The following GLB1 variants were observed in gnomAD, a reference collection of about 807,000 sequenced individuals.
GLB1 encodes beta-galactosidase.
GLB1 carries 56 observed loss-of-function variants against 74.0 expected under a neutral mutation model. The ratio of observed to expected loss-of-function variants is 0.76; its 90% CI spans 0.61 to 0.94. The LOEUF is 0.94. Among genes scored for constraint, GLB1 ranks in the 40% least tolerant of loss-of-function variants. GLB1 has a pLI of 0.00. For missense variants in GLB1, 787 were observed against 845.5 expected, an observed-to-expected ratio of 0.93 and a Z score of 0.86; for synonymous variants, 323 against 323.6, an observed-to-expected ratio of 1.00 and a Z score of 0.02.
rs1189451243 is a variant in GLB1 at position 33,092,380 on chromosome 3, C to A, written c.75+4631G>T. ...AATTACCTGGCAACACTACCCCTTC[C>A]CCAGAAAGGCTCTGGATCAATGATT... On this transcript the variant is annotated intron_variant, in intron 1 of 15. Transcript: ENST00000307363. 8.1e-6 allele frequency: 8 copies of A among 989,392 alleles called. No homozygotes were observed. The Middle Eastern group carries it at 1.6e-3, about 194-fold the overall frequency. 61.3% of individuals were successfully genotyped at this position (989,392 alleles called of 1,614,324 possible).
intron 10 of GLB1, among the ~76,000 whole-genome samples, chr3:33,042,370 C>CTTTTTTTTTTTTTTT (rs66685286): frequency 1.0e-5 from 1 of 99,240 alleles, no homozygotes; most frequent in African/African-American, 3.7e-5. Flanking sequence ...TCATCTCCTC[C>CTTTTTTTTTTTTTTT]TTTTTTTTTT....
chr3:33,067,448 C>T (rs1206706351), intron 4 of GLB1, among the ~76,000 whole-genome samples: 2 of 32,742 alleles, frequency 6.1e-5, no homozygotes, highest in Non-Finnish European at 1.4e-4. Flanking sequence ...TGCCAGCACA[C>T]CTGGCTAATT....
At chr3:32,972,487 G>A in the GLB1 span, among the ~76,000 whole-genome samples, 4 of 152,264 alleles carry the variant, frequency 2.6e-5, no homozygotes, top group South Asian at 4.1e-4. Context: ...CTCAGCCTTT[G>A]GAGGATTCAA....
In GLB1 at chr3:33,020,060, C is replaced by T. The variant is rs142213520; in HGVS notation, c.1234-1499G>A. Among the ~76,000 whole-genome samples the T allele has an allele frequency of 2.1e-3, 325 of 152,268 alleles. 4 individuals carry two copies. The highest frequency in any genetic ancestry group is 2.2e-3 in the Non-Finnish European group (147 of 68,020). On this transcript the variant is annotated intron_variant, in intron 12 of 15. Coordinates refer to ENST00000307363, the MANE Select transcript of GLB1 (RefSeq NM_000404.4). ...CCTGGAACTCCCTCCCCAGGCTACA[C>T]GTGCTCTGGGATCATTGTCTGAAGT...
chr3:33,038,767 C>T (rs913570161), intron 10 of GLB1, among the ~76,000 whole-genome samples: 5 of 152,140 alleles, frequency 3.3e-5, no homozygotes, highest in Admixed American at 6.5e-5. Flanking sequence ...GAACCAGAAG[C>T]GGACCAACCC....
Position 33,096,650 on chromosome 3 carries a change from G to C in GLB1, c.75+361C>G. The stretch of plus-strand genomic sequence containing the variant: ...GAGGGCGCCCCAAACCAGAGCCGGA[G>C]GCACCCTCTAACCCGCGCAACTTGG... On this transcript the variant is annotated intron_variant, in intron 1 of 15. Coordinates refer to ENST00000307363, the MANE Select transcript of GLB1 (RefSeq NM_000404.4). 4 of 1,099,664 alleles carry C rather than the reference G, an allele frequency of 3.6e-6. No homozygotes were observed. In the South Asian group the frequency reaches 8.9e-5, roughly 24 times the overall value. The allele number at this position is 1,099,664 out of a possible 1,614,324, so 68.1% of individuals were successfully genotyped here. A position where few individuals can be genotyped will look rare whatever the true frequency, so the allele number is the denominator to read the frequency against.
intron 10 of GLB1, among the ~76,000 whole-genome samples, chr3:33,025,414 G>A (rs574516906): frequency 6.6e-6 from 1 of 152,314 alleles, no homozygotes; most frequent in South Asian, 2.1e-4. Flanking sequence ...GAAGATCTGG[G>A]AGAAAGTCCC....
chr3:33,000,227 C>A (rs1260447748), intron 15 of GLB1, among the ~76,000 whole-genome samples: 1 of 152,194 alleles, frequency 6.6e-6, no homozygotes, highest in Non-Finnish European at 1.5e-5. Context: ...AGGCATGAGC[C>A]ACCTCGCCTG....
At chr3:32,993,025 G>C (rs759750159), downstream of GLB1, among the ~76,000 whole-genome samples, 2 of 152,240 alleles carry the variant, frequency 1.3e-5, no homozygotes, top group African/African-American at 2.4e-5. Flanking sequence ...CACACCAGCT[G>C]TGTGTGCTAC....
chr3:32,998,800 C>G (rs1257441211), intron 15 of GLB1, among the ~76,000 whole-genome samples: 2 of 152,186 alleles, frequency 1.3e-5, no homozygotes, highest in African/African-American at 4.8e-5. Context: ...CTGCTGAGCC[C>G]TAATCCTCAT....
chr3:32,979,327 A>G, the GLB1 span, among the ~76,000 whole-genome samples: 13 of 152,174 alleles, frequency 8.5e-5, no homozygotes, highest in Non-Finnish European at 1.5e-5. Context: ...TTAGGCTAAA[A>G]CACTTACAGA....
At chr3:33,011,725 T>A (rs1306667636) in intron 15 of GLB1, among the ~76,000 whole-genome samples, 2 of 149,858 alleles carry the variant, frequency 1.3e-5, no homozygotes, top group Non-Finnish European at 3.0e-5. Flanking sequence ...CATAAATAAA[T>A]AAAAGGGCAT....
rs74634321 is a variant in GLB1, at chr3:33,063,279, A to G, written c.552+2184T>C. ...AAAAAGGCATAAAAAATATTCAAGG[A>G]AACTCCCAAAATGTGAAGAGCTTTG... On this transcript the variant is annotated intron_variant, in intron 5 of 15. Transcript: ENST00000307363. Among the ~76,000 whole-genome samples the G allele has an allele frequency of 6.2e-3, 946 of 152,342 alleles. 13 individuals carry two copies. Among genetic ancestry groups the G allele is most frequent in the African/African-American group, 0.022 (913 of 41,576 alleles).
chr3:33,039,525 A>G (rs896884139), intron 10 of GLB1, among the ~76,000 whole-genome samples: 4 of 152,194 alleles, frequency 2.6e-5, no homozygotes, highest in Non-Finnish European at 5.9e-5. Context: ...AGACAGTTGA[A>G]AAGAGGATTA....
chr3:32,976,177 T>C, the GLB1 span, among the ~76,000 whole-genome samples: 1 of 152,194 alleles, frequency 6.6e-6, no homozygotes, highest in Non-Finnish European at 1.5e-5. Flanking sequence ...AGTCACCTGC[T>C]AAGCTGATCC....
the GLB1 span, among the ~76,000 whole-genome samples, chr3:32,970,790 C>T: frequency 3.9e-5 from 6 of 152,180 alleles, no homozygotes; most frequent in Non-Finnish European, 8.8e-5. Context: ...GTAAGAAGGA[C>T]AACTGCCCTG....
chr3:33,015,120 C>T (rs750022700), intron 14 of GLB1, among the ~76,000 whole-genome samples: 4 of 152,122 alleles, frequency 2.6e-5, no homozygotes, highest in Admixed American at 6.5e-5. Context: ...TGTGCCACTG[C>T]GCTCCAGGCT....
chr3:33,077,060 T>TAA (rs112485906), intron 1 of GLB1: 74 of 1,019,466 alleles, frequency 7.3e-5, no homozygotes, highest in Middle Eastern at 2.5e-4. Flanking sequence ...CCTGTCTCTA[T>TAA]AAAAAAAAAA....
chr3:33,065,913 A>C (rs1388904543), intron 4 of GLB1, among the ~76,000 whole-genome samples: 1 of 148,438 alleles, frequency 6.7e-6, no homozygotes, highest in Admixed American at 6.9e-5. Flanking sequence ...GGTTGCGGTG[A>C]GCCAAGATCG....
Sources: gnomAD v4.1 joint callset for allele counts (sites outside exome capture counted in the v4.1 genomes callset) on GRCh38, gnomAD v4.1.1 for gene constraint, MANE v1.5 for transcripts, NCBI Gene and HGNC (gene_info 2026-07-23, HGNC 2026-07-21) for gene names.